The following CNTN6 variants were observed in gnomAD, a reference collection of about 807,000 sequenced individuals.
CNTN6 encodes contactin-6.
A neutral mutation model predicts 122.8 loss-of-function variants in CNTN6; 137 were observed. The ratio of observed to expected loss-of-function variants is 1.12; its 90% CI spans 0.97 to 1.29. CNTN6 has a LOEUF of 1.29. Among genes scored for constraint, CNTN6 ranks in the 50% most tolerant of loss-of-function variants. CNTN6 has a pLI of 0.00. For synonymous variants in CNTN6, 570 were observed against 426.0 expected (o/e 1.34, Z -4.16); for missense variants, 1,634 against 1,223.4 (o/e 1.34, Z -5.01).
intron 11 of CNTN6, among the ~76,000 whole-genome samples, chr3:1,336,126 TAA>T (rs11319985): frequency 1.3e-5 from 2 of 150,916 alleles, no homozygotes; most frequent in South Asian, 4.2e-4. Context: ...TCATTTTCCT[TAA>T]AAAAAAAGCC....
chr3:1,182,435 G>C (rs1575146444), intron 2 of CNTN6, among the ~76,000 whole-genome samples: 1 of 152,096 alleles, frequency 6.6e-6, no homozygotes, highest in East Asian at 1.9e-4. Context: ...AGTTTATCTT[G>C]AGCAAGTCTT....
intron 3 of CNTN6, among the ~76,000 whole-genome samples, chr3:1,227,019 G>A (rs1344786364): frequency 6.6e-6 from 1 of 152,156 alleles, no homozygotes; most frequent in Admixed American, 6.5e-5. Context: ...GGTAGGAAAA[G>A]TGAGTCTGGT....
intron 2 of CNTN6, among the ~76,000 whole-genome samples, chr3:1,204,781 A>G (rs980891354): frequency 2.0e-5 from 3 of 152,136 alleles, no homozygotes; most frequent in Non-Finnish European, 4.4e-5. Flanking sequence ...TCTAACATAT[A>G]TAACTCTTAA....
intron 5 of CNTN6, among the ~76,000 whole-genome samples, chr3:1,288,093 G>T (rs1694664372): frequency 6.6e-6 from 1 of 152,118 alleles, no homozygotes; most frequent in Non-Finnish European, 1.5e-5. Flanking sequence ...TGAGACAGCT[G>T]TGTTTTCGTT....
chr3:1,228,530 T>C (rs62229417), intron 4 of CNTN6, among the ~76,000 whole-genome samples: 59 of 152,308 alleles, frequency 3.9e-4, no homozygotes, highest in Middle Eastern at 3.4e-3. Flanking sequence ...CTGGTGACAT[T>C]TGGGGACATT....
intron 1 of CNTN6, among the ~76,000 whole-genome samples, chr3:1,118,449 G>T (rs1260747475): frequency 6.6e-6 from 1 of 152,128 alleles, no homozygotes; most frequent in African/African-American, 2.4e-5. Context: ...AAATAATGCT[G>T]TCTAGGTAAA....
At chr3:1,294,734 G>A (rs930914500) in intron 5 of CNTN6, among the ~76,000 whole-genome samples, 2 of 152,094 alleles carry the variant, frequency 1.3e-5, no homozygotes, top group Non-Finnish European at 1.5e-5. Context: ...TTATCGTGCC[G>A]GTTTCAAAAT....
intron 20 of CNTN6, among the ~76,000 whole-genome samples, chr3:1,386,712 G>A (rs1032216921): frequency 6.6e-6 from 1 of 151,822 alleles, no homozygotes; most frequent in South Asian, 2.1e-4. Context: ...TTTGCTCTCT[G>A]AATCCTGATG....
chr3:1,277,928 T>G (rs748536207), intron 4 of CNTN6, among the ~76,000 whole-genome samples: 18 of 152,126 alleles, frequency 1.2e-4, no homozygotes, highest in Non-Finnish European at 2.5e-4. Context: ...AAGAGAAAAT[T>G]GAAAATACAC....
chr3:1,353,347 A>G (rs1417871503), intron 12 of CNTN6, among the ~76,000 whole-genome samples: 1 of 151,748 alleles, frequency 6.6e-6, no homozygotes, highest in African/African-American at 2.4e-5. Flanking sequence ...CTACACTTCA[A>G]CCATCCTTTA....
At chr3:1,278,364 T>C (rs916774714) in intron 4 of CNTN6, 49 bp from the exon 5 acceptor site, 1 of 1,247,734 alleles carries the variant, frequency 8.0e-7, no homozygotes, top group Non-Finnish European at 1.1e-6. Context: ...TTAAAATATT[T>C]ATTCTGCAAA....
intron 7 of CNTN6, among the ~76,000 whole-genome samples, chr3:1,320,744 C>T (rs1457777856): frequency 6.6e-6 from 1 of 151,580 alleles, no homozygotes; most frequent in Non-Finnish European, 1.5e-5. Context: ...GAATATTTTC[C>T]TTCTGGAACT....
intron 14 of CNTN6, 55 bp from the exon 15 acceptor site, chr3:1,373,549 A>T (rs1709400667): frequency 6.4e-7 from 1 of 1,558,892 alleles, no homozygotes; most frequent in Non-Finnish European, 8.7e-7. Flanking sequence ...TCCTAGTACC[A>T]AATTAATGAA....
chr3:1,332,611 C>T (rs1182554428), intron 11 of CNTN6, among the ~76,000 whole-genome samples: 1 of 151,786 alleles, frequency 6.6e-6, no homozygotes, highest in Admixed American at 6.6e-5. Flanking sequence ...AGGGTCACTG[C>T]TGTTTACTAT....
At chr3:1,357,231 G>A (rs1259187260) in intron 12 of CNTN6, among the ~76,000 whole-genome samples, 1 of 151,814 alleles carries the variant, frequency 6.6e-6, no homozygotes, top group Non-Finnish European at 1.5e-5. Flanking sequence ...AATAGGGGGT[G>A]TATAGCTAGT....
chr3:1,336,665 A>G (rs1177749588), intron 11 of CNTN6, among the ~76,000 whole-genome samples: 1 of 152,168 alleles, frequency 6.6e-6, no homozygotes, highest in African/African-American at 2.4e-5. Context: ...GGCCCTGGAC[A>G]CTTGGCAAAT....
intron 11 of CNTN6, among the ~76,000 whole-genome samples, chr3:1,344,334 A>G (rs569853830): frequency 6.6e-6 from 1 of 151,086 alleles, no homozygotes; most frequent in African/African-American, 2.4e-5. Context: ...TGTCAGCTAC[A>G]TAGGTTGCTT....
chr3:1,388,134 A>G (rs1693402752), intron 20 of CNTN6, among the ~76,000 whole-genome samples: 1 of 152,094 alleles, frequency 6.6e-6, no homozygotes. Flanking sequence ...AAAAGACAGC[A>G]GTAACGTCTG....
At chr3:1,158,524 GC>G (rs574651523) in intron 2 of CNTN6, among the ~76,000 whole-genome samples, 108 of 151,802 alleles carry the variant, frequency 7.1e-4, no homozygotes, top group Middle Eastern at 3.4e-3. Context: ...CTATATAGAA[GC>G]TTTTAAACTT....
Sources: gnomAD v4.1 joint callset for allele counts (sites outside exome capture counted in the v4.1 genomes callset) on GRCh38, gnomAD v4.1.1 for gene constraint, MANE v1.5 for transcripts, NCBI Gene and HGNC (gene_info 2026-07-23, HGNC 2026-07-21) for gene names.